PLOD2: variants seen among roughly 807,000 people sequenced by gnomAD.
The protein encoded by PLOD2 is procollagen-lysine,2-oxoglutarate 5-dioxygenase 2.
In PLOD2, 65 loss-of-function variants were observed where a neutral mutation model predicts 101.0. The observed-to-expected ratio is 0.64, with a 90% confidence interval of 0.53 to 0.79. PLOD2 has a LOEUF of 0.79. Ranked by LOEUF, PLOD2 falls within the 30% of genes least tolerant of loss-of-function variation. The pLI, the probability that PLOD2 is intolerant of heterozygous loss-of-function variation, is 0.00. For synonymous variants in PLOD2, 314 were observed against 302.9 expected (o/e 1.04, Z -0.38); for missense variants, 909 against 914.6 (o/e 0.99, Z 0.08).
chr3:146,160,815 G>T, intron 1 of PLOD2, 66 bp downstream of exon 1: 2 of 1,003,094 alleles, frequency 2.0e-6, no homozygotes, highest in Non-Finnish European at 3.1e-6. Context: ...AAGGGCTGGT[G>T]GATGAATGAA....
intron 1 of PLOD2, among the ~76,000 whole-genome samples, chr3:146,148,169 T>A (rs749499782): frequency 6.6e-6 from 1 of 151,864 alleles, no homozygotes; most frequent in Admixed American, 6.6e-5. Context: ...TAAAAAGACA[T>A]ACTTGAGAAA....
At chr3:146,072,236 A>G (rs546815411) in intron 17 of PLOD2, among the ~76,000 whole-genome samples, 69 of 149,844 alleles carry the variant, frequency 4.6e-4, no homozygotes, top group African/African-American at 1.6e-3. Context: ...CAAGGAATAA[A>G]AAGTGGCCTT....
intron 3 of PLOD2, among the ~76,000 whole-genome samples, chr3:146,114,048 A>G (rs932097670): frequency 2.0e-5 from 3 of 152,174 alleles, no homozygotes; most frequent in Admixed American, 6.5e-5. Context: ...AGTCTCTGGT[A>G]GCACTCCCAG....
At chr3:146,116,215 C>A (rs902331586) in intron 3 of PLOD2, among the ~76,000 whole-genome samples, 1 of 151,826 alleles carries the variant, frequency 6.6e-6, no homozygotes, top group Non-Finnish European at 1.5e-5. Flanking sequence ...CACTCCTAAC[C>A]ACCCACCCTC....
At chr3:146,122,701 T>C (rs564814932) in intron 2 of PLOD2, among the ~76,000 whole-genome samples, 1 of 152,254 alleles carries the variant, frequency 6.6e-6, no homozygotes, top group South Asian at 2.1e-4. Flanking sequence ...GTAAGTTAAG[T>C]GGGGATGGGG....
At chr3:146,110,157 G>T in intron 4 of PLOD2, 128 bp downstream of exon 4, 1 of 793,930 alleles carries the variant, frequency 1.3e-6, no homozygotes, top group Non-Finnish European at 2.1e-6. Flanking sequence ...AAAATGCTTT[G>T]TCAATATACT....
At chr3:146,097,004 G>A (rs1323114467) in intron 7 of PLOD2, among the ~76,000 whole-genome samples, 1 of 147,142 alleles carries the variant, frequency 6.8e-6, no homozygotes, top group Non-Finnish European at 1.5e-5. Flanking sequence ...GGAGGTGGGG[G>A]GGTCAGCCCC....
intron 1 of PLOD2, among the ~76,000 whole-genome samples, chr3:146,150,188 A>G (rs1489504865): frequency 6.6e-6 from 1 of 152,224 alleles, no homozygotes; most frequent in Admixed American, 6.5e-5. Flanking sequence ...ACGTATGCAC[A>G]TAAATACTTT....
intron 11 of PLOD2, among the ~76,000 whole-genome samples, chr3:146,082,365 T>C (rs1936584691): frequency 6.6e-6 from 1 of 152,236 alleles, no homozygotes; most frequent in Admixed American, 6.5e-5. Context: ...GGCAAAGCTT[T>C]CCTGTAATTA....
At chr3:146,103,513 G>T (rs888968206) in intron 6 of PLOD2, among the ~76,000 whole-genome samples, 1 of 150,872 alleles carries the variant, frequency 6.6e-6, no homozygotes, top group East Asian at 2.0e-4. Flanking sequence ...CGGCTGGAGT[G>T]CAAGGACACA....
At chr3:146,151,877 T>C (rs1018522729) in intron 1 of PLOD2, among the ~76,000 whole-genome samples, 15 of 152,198 alleles carry the variant, frequency 9.9e-5, no homozygotes, top group African/African-American at 3.4e-4. Flanking sequence ...TTTTTTAAAA[T>C]ATTAATTACC....
At chr3:146,075,484 C>T (rs1171345484) in intron 15 of PLOD2, among the ~76,000 whole-genome samples, 1 of 16,074 alleles carries the variant, frequency 6.2e-5, no homozygotes, top group Admixed American at 1.0e-3. Context: ...CCACTCAAAT[C>T]TGTAAAAAAA....
At chr3:146,143,143 A>G (rs1360787301) in intron 1 of PLOD2, among the ~76,000 whole-genome samples, 1 of 152,126 alleles carries the variant, frequency 6.6e-6, no homozygotes, top group Non-Finnish European at 1.5e-5. Context: ...AAATATTTTT[A>G]GGGTCCTGTT....
At chr3:146,125,434 T>G (rs928173734) in intron 1 of PLOD2, among the ~76,000 whole-genome samples, 5 of 152,274 alleles carry the variant, frequency 3.3e-5, no homozygotes, top group Non-Finnish European at 2.9e-5. Flanking sequence ...TCAACATTCT[T>G]AGATTTTTTT....
In PLOD2 at chr3:146,161,151, C is replaced by G; in HGVS notation, c.-162G>C. ...GCAGCCGGAGCGGCGCGTAACGCAGCTGAGTGAGGTCGTCGGTGGAGGCAC... is the reference window on the plus strand; with the variant it reads ...GCAGCCGGAGCGGCGCGTAACGCAGGTGAGTGAGGTCGTCGGTGGAGGCAC... On this transcript the variant is annotated 5_prime_UTR_variant, in exon 1 of 20. Coordinates refer to ENST00000282903, the MANE Select transcript of PLOD2 (RefSeq NM_182943.3). 3 of 420,810 alleles carry G rather than the reference C, an allele frequency of 7.1e-6. No homozygotes were observed. The highest frequency in any genetic ancestry group is 6.1e-5 in the South Asian group (1 of 16,266). The allele number at this position is 420,810 out of a possible 1,614,324, so 26.1% of individuals were successfully genotyped here. A position where few individuals can be genotyped will look rare whatever the true frequency, so the allele number is the denominator to read the frequency against.
chr3:146,139,126 A>T (rs1281505310), intron 1 of PLOD2, among the ~76,000 whole-genome samples: 1 of 152,152 alleles, frequency 6.6e-6, no homozygotes. Context: ...ACAGACAAGG[A>T]ACGGTAGTAA....
intron 6 of PLOD2, among the ~76,000 whole-genome samples, chr3:146,103,922 A>C (rs1233465377): frequency 6.6e-6 from 1 of 151,856 alleles, no homozygotes; most frequent in Admixed American, 6.6e-5. Flanking sequence ...CTGGGTCAAA[A>C]GGATCTACTC....
chr3:146,073,231 T>C, intron 16 of PLOD2, 56 bp downstream of exon 16: 1 of 692,864 alleles, frequency 1.4e-6, no homozygotes, highest in Non-Finnish European at 2.5e-6. Context: ...ATTAATAATA[T>C]TTCTTCTGGA....
intron 15 of PLOD2, among the ~76,000 whole-genome samples, chr3:146,075,500 A>AAAAG (rs1936296760): frequency 6.6e-6 from 1 of 150,610 alleles, no homozygotes; most frequent in Admixed American, 6.7e-5. Context: ...AAAAAAAAAA[A>AAAAG]AAAAAAAGAA....
Sources: allele counts gnomAD v4.1 joint callset (sites outside exome capture counted in the v4.1 genomes callset), GRCh38; gene constraint gnomAD v4.1.1; transcripts MANE v1.5; gene names NCBI Gene and HGNC (gene_info 2026-07-23, HGNC 2026-07-21).